Variants in TRERF1 observed in about 807,000 individuals in gnomAD.
TRERF1 encodes the protein transcriptional-regulating factor 1.
TRERF1 carries 27 observed loss-of-function variants against 122.9 expected under a neutral mutation model. The observed-to-expected ratio is 0.22, with a 90% CI of 0.16 to 0.30. The LOEUF (loss-of-function observed/expected upper bound fraction) is 0.30. TRERF1 is among the 10% of genes least tolerant of loss of function. TRERF1 has a pLI of 1.00. For missense variants in TRERF1, 1,248 were observed against 1,560.3 expected, an observed-to-expected ratio of 0.80 and a Z score of 3.37; for synonymous variants, 636 against 641.7, an observed-to-expected ratio of 0.99 and a Z score of 0.13.
At position 42,259,645 on chromosome 6, in the gene TRERF1, G is replaced by A. The variant is rs142184147; in HGVS notation, c.1963C>T (p.Arg655Trp). 9 of 1,612,590 alleles carry A rather than the reference G, an allele frequency of 5.6e-6. No individual in the cohort carries two copies. The highest frequency in any genetic ancestry group is 5.5e-5 in the South Asian group (5 of 91,086). The change falls in exon 9 of 18, where the codon CGG becomes TGG. Residue 655 changes from arginine (R) to tryptophan (W), a missense_variant. This residue lies in a region of TRERF1 where 946 missense variants were observed against 1,073.0 expected (regional missense o/e 0.88). Coordinates refer to ENST00000372922, the Ensembl canonical transcript of TRERF1. The surrounding 1 kb of genome is among the most constrained non-coding windows in gnomAD (Gnocchi z 4.9). ...ATGAAGAGAGGTTCCGGCCGGTGCC[G>A]GAACTTTTTCTTCTCCTGCACGGTC...
exon 7 of TRERF1, chr6:42,264,776 G>A (rs1260370881): frequency 6.2e-7 from 1 of 1,614,132 alleles, no homozygotes; most frequent in Non-Finnish European, 8.5e-7. Flanking sequence ...GCAGGTTCTT[G>A]AACTCCTTCA....
intron 3 of TRERF1, among the ~76,000 whole-genome samples, chr6:42,325,552 T>C (rs763633372): frequency 8.5e-5 from 13 of 152,116 alleles, no homozygotes; most frequent in Non-Finnish European, 1.8e-4. Context: ...GGCACATATA[T>C]GCCATGGAAT....
chr6:42,384,466 T>A (rs1776458016), intron 2 of TRERF1, among the ~76,000 whole-genome samples: 1 of 152,348 alleles, frequency 6.6e-6, no homozygotes. Flanking sequence ...TATGCATAGA[T>A]TATCTTTGAA....
intron 8 of TRERF1, among the ~76,000 whole-genome samples, chr6:42,261,797 C>G (rs1777924376): frequency 6.6e-6 from 1 of 152,194 alleles, no homozygotes; most frequent in African/African-American, 2.4e-5. Flanking sequence ...CTCACCCTTC[C>G]ATTAAGCCAA....
At chr6:42,290,320 C>T (rs1001182453) in intron 4 of TRERF1, among the ~76,000 whole-genome samples, 6 of 152,174 alleles carry the variant, frequency 3.9e-5, no homozygotes, top group African/African-American at 1.4e-4. Context: ...GGAGGGAGGA[C>T]GTCGCGACTT....
intron 9 of TRERF1, among the ~76,000 whole-genome samples, chr6:42,258,782 T>TAGAGTGC (rs1271532628): frequency 6.6e-6 from 1 of 152,008 alleles, no homozygotes; most frequent in Non-Finnish European, 1.5e-5. Context: ...TCCCCCAGGC[T>TAGAGTGC]AGAGTGCAGT....
At chr6:42,407,721 C>G (rs1187205788) in intron 2 of TRERF1, among the ~76,000 whole-genome samples, 2 of 151,882 alleles carry the variant, frequency 1.3e-5, no homozygotes, top group Non-Finnish European at 2.9e-5. Context: ...CTCCTTTCTT[C>G]TTTTAAAAAC....
intron 13 of TRERF1, among the ~76,000 whole-genome samples, chr6:42,253,012 G>T (rs1351620316): frequency 2.0e-5 from 3 of 152,144 alleles, no homozygotes; most frequent in African/African-American, 4.8e-5. Flanking sequence ...AGGGGACAGG[G>T]GACAGGCAAG....
At chr6:42,287,584 C>T (rs1273240714) in intron 4 of TRERF1, among the ~76,000 whole-genome samples, 1 of 152,108 alleles carries the variant, frequency 6.6e-6, no homozygotes, top group African/African-American at 2.4e-5. Context: ...TTTCACACGT[C>T]CCCCCTGCCC....
chr6:42,334,412 T>TA (rs758056518), intron 3 of TRERF1, among the ~76,000 whole-genome samples: 7 of 152,218 alleles, frequency 4.6e-5, no homozygotes, highest in Non-Finnish European at 8.8e-5. Context: ...ACAATTGTAT[T>TA]ACCTAACAGT....
At chr6:42,397,298 C>G (rs1179906437) in intron 2 of TRERF1, among the ~76,000 whole-genome samples, 1 of 152,124 alleles carries the variant, frequency 6.6e-6, no homozygotes, top group East Asian at 1.9e-4. Context: ...CAGGCACTTT[C>G]CCCAGAAAGT....
At chr6:42,433,960 CT>C (rs1288258539) in intron 2 of TRERF1, among the ~76,000 whole-genome samples, 2 of 152,146 alleles carry the variant, frequency 1.3e-5, no homozygotes, top group Non-Finnish European at 2.9e-5. Context: ...GAGTTTGAGG[CT>C]GCAGTGAGCC....
intron 8 of TRERF1, among the ~76,000 whole-genome samples, chr6:42,262,254 G>T (rs761551714): frequency 2.6e-4 from 40 of 151,728 alleles, no homozygotes; most frequent in Non-Finnish European, 3.1e-4. Context: ...GTTTTTTTCT[G>T]TACTTTTCTA....
chr6:42,257,280 C>T (rs1238001996), intron 10 of TRERF1, among the ~76,000 whole-genome samples, 178 bp from the exon 11 acceptor site: 2 of 152,136 alleles, frequency 1.3e-5, no homozygotes, highest in Non-Finnish European at 2.9e-5. Context: ...GGATAAGGAA[C>T]AGCTTTAAGA....
In TRERF1 at chr6:42,276,442, G is replaced by A. The variant is rs1370611897; in HGVS notation, c.-258-6594C>T. On this transcript the variant is annotated intron_variant, in intron 4 of 17. Transcript: ENST00000372922. This position sits in a 1 kb window ranked among gnomAD's most constrained non-coding sequence, Gnocchi z 4.3. ...TCCAAATGCCTTGGCTTGTGTTTTAGTCCAGCCTTCCTCTCGGCTCTGTCA... is the reference window on the plus strand; with the variant it reads ...TCCAAATGCCTTGGCTTGTGTTTTAATCCAGCCTTCCTCTCGGCTCTGTCA... Among the ~76,000 whole-genome samples, 1 of 152,016 alleles carries A rather than the reference G, an allele frequency of 6.6e-6. No homozygotes were observed. Among genetic ancestry groups the A allele is most frequent in the Non-Finnish European group, 1.5e-5 (1 of 67,956 alleles).
At chr6:42,234,749 T>C (rs370531931) in intron 16 of TRERF1, among the ~76,000 whole-genome samples, 2 of 152,262 alleles carry the variant, frequency 1.3e-5, no homozygotes, top group Admixed American at 1.3e-4. Flanking sequence ...TTTTCCACTG[T>C]GATTTTTAAA....
intron 2 of TRERF1, among the ~76,000 whole-genome samples, chr6:42,368,838 T>TA (rs1773245234): frequency 6.6e-6 from 1 of 152,160 alleles, no homozygotes; most frequent in Admixed American, 6.6e-5. Context: ...GTTTTTTAGT[T>TA]AAAAAATGAC....
intron 2 of TRERF1, among the ~76,000 whole-genome samples, chr6:42,443,593 T>C (rs964027162): frequency 3.9e-5 from 6 of 152,222 alleles, no homozygotes; most frequent in Admixed American, 1.3e-4. Context: ...GGATTCTTTG[T>C]GGAGCAAACC....
At chr6:42,448,130 C>A (rs140558378) in intron 2 of TRERF1, among the ~76,000 whole-genome samples, 14 of 152,210 alleles carry the variant, frequency 9.2e-5, no homozygotes, top group African/African-American at 3.4e-4. Context: ...TTATTATGAA[C>A]CTTATCACAA....
Sources: allele counts gnomAD v4.1 joint callset (sites outside exome capture counted in the v4.1 genomes callset), GRCh38; gene constraint gnomAD v4.1.1; regional missense constraint gnomAD v4.1.1; non-coding constraint Gnocchi (gnomAD v3.1); transcripts MANE v1.5; gene names NCBI Gene and HGNC (gene_info 2026-07-23, HGNC 2026-07-21).